RARS1: variants seen among roughly 807,000 people sequenced by gnomAD.
RARS1 encodes the protein arginine--tRNA ligase, cytoplasmic.
RARS1 carries 75 observed loss-of-function variants against 78.7 expected under a neutral mutation model. The observed-to-expected ratio is 0.95, with a 90% CI of 0.79 to 1.15. RARS1 has a LOEUF of 1.15. RARS1 is among the 50% of genes most tolerant of loss of function. The pLI is 0.00. For synonymous variants in RARS1, 273 were observed against 268.2 expected, an observed-to-expected ratio of 1.02 and a Z score of -0.18; for missense variants, 787 against 787.5, an observed-to-expected ratio of 1.00 and a Z score of 0.01.
chr5:168,516,078 A>T (rs949303526), intron 12 of RARS1, among the ~76,000 whole-genome samples: 2 of 152,100 alleles, frequency 1.3e-5, no homozygotes, highest in Admixed American at 6.6e-5. Context: ...GGAAAAAGCC[A>T]AGTGATGATG....
At chr5:168,492,043 T>A (rs563412504) in intron 2 of RARS1, among the ~76,000 whole-genome samples, 60 of 151,018 alleles carry the variant, frequency 4.0e-4, no homozygotes, top group African/African-American at 1.5e-3. Context: ...AAGCACTTTG[T>A]GTGCATCCAG....
At chr5:168,496,289 G>A (rs1412881528) in intron 6 of RARS1, among the ~76,000 whole-genome samples, 1 of 149,662 alleles carries the variant, frequency 6.7e-6, no homozygotes, top group Non-Finnish European at 1.5e-5. Context: ...TGAGGCAGGA[G>A]AATTGCTTGA....
At chr5:168,489,396 C>G (rs1758034994) in intron 2 of RARS1, among the ~76,000 whole-genome samples, 1 of 152,078 alleles carries the variant, frequency 6.6e-6, no homozygotes, top group Non-Finnish European at 1.5e-5. Flanking sequence ...AAATCATTGC[C>G]TCTATCATAA....
chr5:168,516,127 G>A (rs1310253729), intron 12 of RARS1, among the ~76,000 whole-genome samples: 2 of 152,130 alleles, frequency 1.3e-5, no homozygotes, highest in Non-Finnish European at 2.9e-5. Context: ...AAGAACTATA[G>A]TCCCTTCAAC....
intron 12 of RARS1, among the ~76,000 whole-genome samples, chr5:168,512,976 A>G (rs936752754): frequency 9.2e-5 from 14 of 152,122 alleles, no homozygotes; most frequent in Admixed American, 7.9e-4. Flanking sequence ...TATTGTGGTT[A>G]AAATTTTCAT....
intron 2 of RARS1, among the ~76,000 whole-genome samples, chr5:168,489,809 T>C (rs906995708): frequency 6.7e-6 from 1 of 148,996 alleles, no homozygotes; most frequent in Non-Finnish European, 1.5e-5. Context: ...TCTCTCATAT[T>C]ATCTTTTTTT....
intron 11 of RARS1, among the ~76,000 whole-genome samples, 161 bp from the exon 12 acceptor site, chr5:168,510,420 G>T (rs1758541040): frequency 6.6e-6 from 1 of 152,110 alleles, no homozygotes. Context: ...GTTACCATTG[G>T]CATCAACCCT....
chr5:168,509,442 C>A (rs1478247961), intron 11 of RARS1, among the ~76,000 whole-genome samples: 8 of 95,236 alleles, frequency 8.4e-5, no homozygotes, highest in South Asian at 5.8e-4. Context: ...TTAAACACCC[C>A]CCCCCCCCCA....
Position 168,497,329 on chromosome 5 carries a change from A to T in RARS1, c.803A>T (p.Asp268Val), listed in dbSNP as rs1758218335. ...CTAACAGTTTCACCTCCTATTGGGG[A>T]TCTTCAGGTCTTTTATAAGGTTTGA... ...DYLTVSPPIG[D>V]LQVFYKESKK... is the part of the protein sequence containing the mutation. Residue 268 changes from aspartate to valine, a missense_variant, in exon 7 of 15, where the codon GAT becomes GTT. Transcript: ENST00000231572. The T allele has an allele frequency of 1.3e-6, 2 of 1,582,472 alleles. No homozygotes were observed. The highest frequency in any genetic ancestry group is 1.7e-6 in the Non-Finnish European group (2 of 1,163,078).
At chr5:168,510,746 T>C in intron 12 of RARS1, 60 bp downstream of exon 12, 9 of 1,308,210 alleles carry the variant, frequency 6.9e-6, no homozygotes, top group Non-Finnish European at 9.5e-6. Flanking sequence ...CATTTTTGTT[T>C]TTATTGAGAG....
chr5:168,492,529 CA>C (rs1758106108), intron 2 of RARS1, 129 bp from the exon 3 acceptor site: 1 of 742,620 alleles, frequency 1.3e-6, no homozygotes, highest in Non-Finnish European at 2.1e-6. Context: ...TTGAGGGCAT[CA>C]CACCATAAGT....
Position 168,494,280 on chromosome 5 carries a change from G to A in RARS1, c.479-270G>A, listed in dbSNP as rs1758138843. The A allele has an allele frequency of 4.1e-6, 4 of 985,392 alleles. No individual in the cohort carries two copies. The African/African-American group carries it at 7.0e-5, about 17-fold the overall frequency. The allele number at this position is 985,392 out of a possible 1,614,324, so 61.0% of individuals were successfully genotyped here. ...ATGGCAGATAAGTCTTCGGCACAAG[G>A]GCCTTCTGTTTTCTGTTAAGAGGCG... On this transcript the variant is annotated intron_variant, in intron 4 of 14. Coordinates refer to ENST00000231572, the MANE Select transcript of RARS1 (RefSeq NM_002887.4).
chr5:168,493,825 T>A (rs1196643227), intron 3 of RARS1, 69 bp from the exon 4 acceptor site: 1 of 1,226,604 alleles, frequency 8.2e-7, no homozygotes, highest in Non-Finnish European at 1.2e-6. Context: ...TCGTGCCTTG[T>A]CAGGTGTGCA....
At chr5:168,517,204 G>A (rs574563388) in intron 13 of RARS1, among the ~76,000 whole-genome samples, 4 of 152,022 alleles carry the variant, frequency 2.6e-5, no homozygotes, top group African/African-American at 4.8e-5. Context: ...GTGCAGTGGC[G>A]CGATCTCGGC....
intron 12 of RARS1, among the ~76,000 whole-genome samples, chr5:168,512,330 C>T (rs774803300): frequency 5.3e-5 from 8 of 152,028 alleles, no homozygotes; most frequent in South Asian, 2.1e-4. Flanking sequence ...CTTTTTCTTT[C>T]GGATATATAT....
At chr5:168,487,229 TG>T (rs57885645) in intron 1 of RARS1, among the ~76,000 whole-genome samples, 71,357 of 151,400 alleles carry the variant, frequency 0.47, 18,160 homozygotes, top group East Asian at 0.72. Context: ...CCGGCTGTGT[TG>T]GGGGGGGTCC....
At chr5:168,499,324 A>AT (rs1189144357) in intron 7 of RARS1, among the ~76,000 whole-genome samples, 1 of 152,074 alleles carries the variant, frequency 6.6e-6, no homozygotes, top group Non-Finnish European at 1.5e-5. Context: ...AAAAATAAAC[A>AT]TAAAAAAAAT....
In RARS1 at chr5:168,486,512, T is replaced by C; in HGVS notation, c.14T>C (p.Val5Ala). 1 of 1,558,992 alleles carries C rather than the reference T, an allele frequency of 6.4e-7. No homozygotes were observed. The change falls in exon 1 of 15, where the codon GTG becomes GCG. Residue 5 changes from valine to alanine, a missense_variant. Coordinates refer to ENST00000231572, the MANE Select transcript of RARS1 (RefSeq NM_002887.4). Reference sequence around the variant, plus strand: ...GCTGATGGGAGGATGGACGTACTGGTGTCTGAGTGCTCCGCGCGGCTGCTG... The same window carrying C: ...GCTGATGGGAGGATGGACGTACTGGCGTCTGAGTGCTCCGCGCGGCTGCTG... MDVL[V>A]SECSARLLQQ...
At chr5:168,487,803 C>T (rs1175937671) in intron 1 of RARS1, among the ~76,000 whole-genome samples, 1 of 152,188 alleles carries the variant, frequency 6.6e-6, no homozygotes, top group Non-Finnish European at 1.5e-5. Flanking sequence ...AACTACAAAG[C>T]CTGGTCTGGT....
Sources: allele counts gnomAD v4.1 joint callset (sites outside exome capture counted in the v4.1 genomes callset), GRCh38; gene constraint gnomAD v4.1.1; transcripts MANE v1.5; gene names NCBI Gene and HGNC (gene_info 2026-07-23, HGNC 2026-07-21).